Variants in POC5 observed in about 807,000 individuals in gnomAD.
POC5 encodes centrosomal protein POC5.
POC5 carries 48 observed loss-of-function variants against 62.9 expected under a neutral mutation model. That is an observed-to-expected ratio of 0.76 (90% CI 0.61 to 0.97). POC5 has a LOEUF of 0.97. POC5 is among the 50% of genes least tolerant of loss of function. The pLI is 0.00. For synonymous variants in POC5, 236 were observed against 228.2 expected (o/e 1.03, Z -0.31); for missense variants, 696 against 679.5 (o/e 1.02, Z -0.27).
chr5:75,716,182 G>A (rs1742535735), intron 1 of POC5, among the ~76,000 whole-genome samples: 1 of 152,142 alleles, frequency 6.6e-6, no homozygotes, highest in African/African-American at 2.4e-5. Context: ...GAGTATCACT[G>A]TGCATACACA....
At chr5:75,695,904 T>C (rs138490271) in intron 5 of POC5, 37,267 of 152,532 alleles carry the variant, frequency 0.24, 4,782 homozygotes, top group South Asian at 0.32. Flanking sequence ...ACTCAGGAAG[T>C]GCAAGGGGTC....
At chr5:75,713,046 A>C in intron 1 of POC5, 95 bp from the exon 2 acceptor site, 3 of 846,980 alleles carry the variant, frequency 3.5e-6, no homozygotes, top group Non-Finnish European at 5.5e-6. Flanking sequence ...CCAAATCTGC[A>C]ATCTTCCTGT....
In POC5 at chr5:75,702,600, C is replaced by T. The variant is rs772714057; in HGVS notation, c.513+5G>A. 32 of 1,610,760 alleles carry T rather than the reference C, an allele frequency of 2.0e-5. No homozygotes were observed. Among genetic ancestry groups the T allele is most frequent in the Middle Eastern group, 3.3e-4 (2 of 6,060 alleles). ...AACTGTAATTGAAGAACTGCTGTAC[C>T]GTACCTTAAGACCTGAACTCCAAAG... On this transcript the variant is annotated splice_donor_5th_base_variant and intron_variant, in intron 5 of 11. Coordinates refer to ENST00000428202, the MANE Select transcript of POC5 (RefSeq NM_001099271.2).
Position 75,685,273 on chromosome 5 carries a change from A to C in POC5, c.1341T>G (p.Ser447=), listed in dbSNP as rs1776053095. Residue 447 remains serine (S), a synonymous_variant, in exon 10 of 12, where the codon TCT becomes TCG. Transcript: ENST00000428202. The part of the protein sequence containing the change: ...SMTSTRAASA[S]SVHVPVSALG... ...GAGCAGAAACAGGAACGTGAACAGA[A>C]GATGCGGAAGCAGCCCTGGTAGAAG... 6.2e-7 allele frequency: 1 copy of C among 1,613,930 alleles called. No individual in the cohort carries two copies. The highest frequency in any genetic ancestry group is 1.7e-5 in the Admixed American group (1 of 60,006).
intron 6 of POC5, among the ~76,000 whole-genome samples, chr5:75,693,566 CCAT>C (rs1776435471): frequency 6.6e-6 from 1 of 151,992 alleles, no homozygotes; most frequent in Non-Finnish European, 1.5e-5. Context: ...AACTTAAAAA[CCAT>C]GGGACAGAAT....
chr5:75,705,513 C>T (rs1048576374), intron 4 of POC5, 191 bp downstream of exon 4: 8 of 452,584 alleles, frequency 1.8e-5, no homozygotes, highest in African/African-American at 1.4e-4. Flanking sequence ...ATGCATTGAC[C>T]TGTCTTAATT....
At chr5:75,705,842 C>G (rs1270922340) in intron 3 of POC5, 55 bp from the exon 4 acceptor site, 1 of 1,075,966 alleles carries the variant, frequency 9.3e-7, no homozygotes, top group Non-Finnish European at 1.3e-6. Context: ...AATAAAATGT[C>G]TAATCACACA....
chr5:75,681,989 G>A (rs1775885342), intron 10 of POC5, among the ~76,000 whole-genome samples: 1 of 152,064 alleles, frequency 6.6e-6, no homozygotes, highest in Non-Finnish European at 1.5e-5. Flanking sequence ...ACTATATAAG[G>A]AAGGAAGAAA....
At chr5:75,685,507 A>G (rs900363748) in intron 9 of POC5, 23 bp from the exon 10 acceptor site, 1 of 1,587,198 alleles carries the variant, frequency 6.3e-7, no homozygotes, top group Non-Finnish European at 8.6e-7. Flanking sequence ...AATTAATTCC[A>G]TTCAAATTCT....
chr5:75,704,870 A>G (rs556495118), intron 4 of POC5, among the ~76,000 whole-genome samples: 1 of 152,344 alleles, frequency 6.6e-6, no homozygotes, highest in East Asian at 1.9e-4. Flanking sequence ...TGACTAGTCA[A>G]GAAAAAAGTC....
Position 75,674,319 on chromosome 5 carries a change from A to AGAT in POC5, c.*113_*115dup, listed in dbSNP as rs1775570216. The AGAT allele has an allele frequency of 1.9e-6, 2 of 1,027,744 alleles. No homozygotes were observed. Among genetic ancestry groups the AGAT allele is most frequent in the South Asian group, 4.8e-5 (2 of 41,376 alleles). The allele number at this position is 1,027,744 out of a possible 1,614,324, so 63.7% of individuals were successfully genotyped here. A position where few individuals can be genotyped will look rare whatever the true frequency, so the allele number is the denominator to read the frequency against. On this transcript the variant is annotated 3_prime_UTR_variant, in exon 12 of 12. Coordinates refer to ENST00000428202, the MANE Select transcript of POC5 (RefSeq NM_001099271.2). The stretch of plus-strand genomic sequence containing the variant: ...GAAAAAGCCTCTTGTAATTTTGAAC[A>AGAT]GATGAACATGATGTCTCCATGATGT...
At chr5:75,706,584 A>T (rs1308751599) in intron 3 of POC5, among the ~76,000 whole-genome samples, 1 of 151,464 alleles carries the variant, frequency 6.6e-6, no homozygotes, top group Non-Finnish European at 1.5e-5. Context: ...TTTTTTTTTA[A>T]ACAGAGTCTT....
intron 6 of POC5, among the ~76,000 whole-genome samples, chr5:75,693,540 C>G (rs759908695): frequency 3.8e-4 from 58 of 151,864 alleles, no homozygotes; most frequent in Middle Eastern, 3.4e-3. Context: ...TGTGATACTT[C>G]AAAATAAAAA....
chr5:75,697,287 T>A (rs1776646677), intron 5 of POC5, among the ~76,000 whole-genome samples: 1 of 151,180 alleles, frequency 6.6e-6, no homozygotes, highest in African/African-American at 2.4e-5. Context: ...AAGGAAAAAA[T>A]GTTAAGGGCA....
At chr5:75,709,241 A>G (rs762765588) in intron 2 of POC5, among the ~76,000 whole-genome samples, 3 of 152,222 alleles carry the variant, frequency 2.0e-5, no homozygotes, top group Non-Finnish European at 4.4e-5. Flanking sequence ...GAGATATTTC[A>G]AAGAGAAAAT....
intron 10 of POC5, among the ~76,000 whole-genome samples, chr5:75,681,677 A>C (rs571969507): frequency 6.6e-6 from 1 of 151,502 alleles, no homozygotes; most frequent in Non-Finnish European, 1.5e-5. Flanking sequence ...TTAGCATGGT[A>C]ATCTTCCATT....
chr5:75,714,657 A>C (rs576883401), intron 1 of POC5, among the ~76,000 whole-genome samples: 19 of 152,300 alleles, frequency 1.2e-4, no homozygotes, highest in African/African-American at 4.6e-4. Flanking sequence ...CAAGGAAGGT[A>C]GGAAGATGAG....
Position 75,717,365 on chromosome 5 carries a change from C to CTGCAGTGTCAGCAAG in POC5, c.-89_-75dup, listed in dbSNP as rs1485381063. 1 of 152,296 alleles carries CTGCAGTGTCAGCAAG rather than the reference C, an allele frequency of 6.6e-6. No homozygotes were observed. The highest frequency in any genetic ancestry group is 1.5e-5 in the Non-Finnish European group (1 of 68,086). The allele number at this position is 152,296 out of a possible 1,614,324, so 9.4% of individuals were successfully genotyped here. A position where few individuals can be genotyped will look rare whatever the true frequency, so the allele number is the denominator to read the frequency against. The stretch of plus-strand genomic sequence containing the variant: ...TCTGCGCCTCTTAGCCGCGTCGCAG[C>CTGCAGTGTCAGCAAG]TGCAGTGTCAGCAAGTGCAGCCTCA... On this transcript the variant is annotated 5_prime_UTR_variant, in exon 1 of 12. Transcript: ENST00000428202.
At chr5:75,683,494 A>C (rs1184302558) in intron 10 of POC5, among the ~76,000 whole-genome samples, 1 of 151,736 alleles carries the variant, frequency 6.6e-6, no homozygotes, top group African/African-American at 2.4e-5. Context: ...CAGCCTCCCA[A>C]AGTGTTGGGA....
Sources: gnomAD v4.1 joint callset for allele counts (sites outside exome capture counted in the v4.1 genomes callset) on GRCh38, gnomAD v4.1.1 for gene constraint, MANE v1.5 for transcripts, NCBI Gene and HGNC (gene_info 2026-07-23, HGNC 2026-07-21) for gene names.